Variants in RERE observed in about 807,000 individuals in gnomAD.
RERE encodes the protein arginine-glutamic acid dipeptide repeats, also known as arginine-glutamic acid dipeptide repeats protein.
RERE carries 40 observed loss-of-function variants against 146.1 expected under a neutral mutation model. The ratio of observed to expected loss-of-function variants is 0.27; its 90% CI spans 0.21 to 0.36. The LOEUF is 0.36. RERE is among the 10% of genes least tolerant of loss of function. RERE has a pLI of 1.00. For missense variants in RERE, 1,933 were observed against 2,138.7 expected (o/e 0.90, Z 1.90); for synonymous variants, 1,003 against 866.0 (o/e 1.16, Z -2.78).
intron 1 of RERE, among the ~76,000 whole-genome samples, chr1:8,673,826 C>T (rs1460707811): frequency 1.3e-5 from 2 of 152,022 alleles, no homozygotes; most frequent in African/African-American, 2.4e-5. Flanking sequence ...GTAGATCACT[C>T]GAGCCCAGGA....
intron 1 of RERE, among the ~76,000 whole-genome samples, chr1:8,678,361 T>C (rs1023340490): frequency 2.0e-5 from 3 of 151,948 alleles, no homozygotes; most frequent in East Asian, 1.9e-4. Context: ...AATTAAATTA[T>C]GGGGCCAGAC....
At chr1:8,801,214 C>A (rs186291735) in intron 1 of RERE, among the ~76,000 whole-genome samples, 1 of 147,852 alleles carries the variant, frequency 6.8e-6, no homozygotes, top group East Asian at 2.0e-4. Context: ...CGGCCCTGAT[C>A]GCGCCACTGC....
chr1:8,373,343 A>G (rs1195593302), intron 12 of RERE, among the ~76,000 whole-genome samples: 1 of 152,196 alleles, frequency 6.6e-6, no homozygotes, highest in Non-Finnish European at 1.5e-5. Context: ...GTTTGAAAAA[A>G]TGCCCCACAG....
chr1:8,650,067 A>G (rs1263917396), intron 2 of RERE, among the ~76,000 whole-genome samples: 1 of 152,184 alleles, frequency 6.6e-6, no homozygotes, highest in Non-Finnish European at 1.5e-5. Flanking sequence ...AGGCGGGAAC[A>G]TGGGCAGTGT....
chr1:8,793,173 A>AG (rs1463077353), intron 1 of RERE, among the ~76,000 whole-genome samples: 32 of 147,118 alleles, frequency 2.2e-4, no homozygotes, highest in East Asian at 8.2e-4. Context: ...AAAAAAAAAA[A>AG]AAAAGAAAGA....
At position 8,541,376 on chromosome 1, in the gene RERE, A is replaced by G. The variant is rs1570413018; in HGVS notation, c.726-58T>C. 7 of 1,037,426 alleles carry G rather than the reference A, an allele frequency of 6.7e-6. No homozygotes were observed. In the East Asian group the frequency reaches 1.7e-4, roughly 25 times the overall value. 64.3% of individuals were successfully genotyped at this position (1,037,426 alleles called of 1,614,324 possible). A position where few individuals can be genotyped will look rare whatever the true frequency, so the allele number is the denominator to read the frequency against. On this transcript the variant is annotated intron_variant, in intron 6 of 22. Transcript: ENST00000400908. Reference sequence around the variant, plus strand: ...CCCTCAACTGCTTTTGCTAACCAAAACTGGAGGGGGAAGGGTGGAGGAAGC... The same window carrying G: ...CCCTCAACTGCTTTTGCTAACCAAAGCTGGAGGGGGAAGGGTGGAGGAAGC...
At chr1:8,681,393 T>C (rs557291207) in intron 1 of RERE, among the ~76,000 whole-genome samples, 85 of 152,334 alleles carry the variant, frequency 5.6e-4, no homozygotes, top group African/African-American at 2.0e-3. Flanking sequence ...AGCATACCTA[T>C]TCATCTTAAA....
At chr1:8,789,301 A>AAAAATATATATAT in intron 1 of RERE, among the ~76,000 whole-genome samples, 3 of 24,814 alleles carry the variant, frequency 1.2e-4, no homozygotes, top group African/African-American at 4.6e-4. Flanking sequence ...AAAAAAAAAA[A>AAAAATATATATAT]ATATATATAT....
intron 4 of RERE, among the ~76,000 whole-genome samples, chr1:8,595,741 A>C (rs559482358): frequency 6.6e-6 from 1 of 152,358 alleles, no homozygotes; most frequent in African/African-American, 2.4e-5. Flanking sequence ...ACTATACAAA[A>C]AACAATTAAT....
intron 7 of RERE, among the ~76,000 whole-genome samples, chr1:8,530,910 C>A (rs1414824972): frequency 7.3e-5 from 11 of 151,536 alleles, no homozygotes; most frequent in African/African-American, 2.4e-4. Context: ...CCAGGATGGT[C>A]CCGATCTCCT....
At chr1:8,385,995 TA>T (rs1642644464) in intron 12 of RERE, among the ~76,000 whole-genome samples, 1 of 25,228 alleles carries the variant, frequency 4.0e-5, no homozygotes, top group Non-Finnish European at 7.0e-5. Context: ...AAAAAAAAAA[TA>T]TATATATATA....
intron 1 of RERE, among the ~76,000 whole-genome samples, chr1:8,687,727 G>A (rs752303296): frequency 6.6e-6 from 1 of 152,078 alleles, no homozygotes; most frequent in Non-Finnish European, 1.5e-5. Context: ...TAACTTGAAG[G>A]GAGTCATCAG....
chr1:8,630,995 A>C (rs892162664), intron 2 of RERE, among the ~76,000 whole-genome samples: 8 of 152,234 alleles, frequency 5.3e-5, no homozygotes, highest in African/African-American at 1.9e-4. Context: ...AGTGCTACAA[A>C]GAAAGCCTCA....
chr1:8,614,625 C>T lies in RERE; in HGVS notation c.458G>A (p.Cys153Tyr), dbSNP rs1646829761. ...TGGCTGTGATGCCACCGGCAGAGAGCATGCTGGGGGGTCACACAAAGCAGG... is the reference window on the plus strand; with the variant it reads ...TGGCTGTGATGCCACCGGCAGAGAGTATGCTGGGGGGTCACACAAAGCAGG... ...PTPALCDPPACSLPVASQPPQ... is the reference protein window; with the variant it reads ...PTPALCDPPAYSLPVASQPPQ... Residue 153 changes from cysteine to tyrosine, a missense_variant, in exon 4 of 23, where the codon TGC becomes TAC. Cys to Tyr is a radical substitution (Grantham distance 194, BLOSUM62 -2). This residue lies in a region of RERE where 74 missense variants were observed against 99.6 expected (regional missense o/e 0.74). Transcript: ENST00000400908. 6.2e-7 allele frequency: 1 copy of T among 1,612,994 alleles called. No homozygotes were observed. The highest frequency in any genetic ancestry group is 1.3e-5 in the African/African-American group (1 of 74,858).
chr1:8,385,670 A>C (rs1642612914), intron 12 of RERE, among the ~76,000 whole-genome samples: 1 of 151,918 alleles, frequency 6.6e-6, no homozygotes, highest in Non-Finnish European at 1.5e-5. Context: ...GAGAGCTTTT[A>C]TTTCTTGAAG....
At position 8,355,038 on chromosome 1, in the gene RERE, T is replaced by TC. The variant is rs750949924; in HGVS notation, c.*48dup. ...TATTTTATGTAAAAAGTCCTGTTTC[T>TC]CCCCCCAAGAACTGGGGTTTCCACA... On this transcript the variant is annotated 3_prime_UTR_variant, in exon 23 of 23. Coordinates refer to ENST00000400908, the MANE Select transcript of RERE (RefSeq NM_001042681.2). 2 of 1,510,472 alleles carry TC rather than the reference T, an allele frequency of 1.3e-6. No individual in the cohort carries two copies. Among genetic ancestry groups the TC allele is most frequent in the Non-Finnish European group, 1.8e-6 (2 of 1,091,466 alleles). 93.6% of individuals were successfully genotyped at this position (1,510,472 alleles called of 1,614,324 possible). A position where few individuals can be genotyped will look rare whatever the true frequency, so the allele number is the denominator to read the frequency against.
At chr1:8,392,959 G>A (rs1339718678) in intron 12 of RERE, among the ~76,000 whole-genome samples, 8 of 152,122 alleles carry the variant, frequency 5.3e-5, no homozygotes, top group Admixed American at 5.2e-4. Flanking sequence ...ACCATGTAGA[G>A]ACGGTGGAAA....
intron 1 of RERE, among the ~76,000 whole-genome samples, chr1:8,694,207 A>G (rs1639271486): frequency 6.6e-6 from 1 of 152,202 alleles, no homozygotes; most frequent in Non-Finnish European, 1.5e-5. Context: ...TGCTGGCAAT[A>G]TGATTCTATA....
intron 4 of RERE, among the ~76,000 whole-genome samples, chr1:8,609,881 ACCTCAG>A (rs1646770532): frequency 6.6e-6 from 1 of 152,100 alleles, no homozygotes; most frequent in African/African-American, 2.4e-5. Flanking sequence ...CGAGCCTCCC[ACCTCAG>A]CCTCCTGAGT....
Sources: gnomAD v4.1 joint callset for allele counts (sites outside exome capture counted in the v4.1 genomes callset) on GRCh38, gnomAD v4.1.1 for gene constraint, gnomAD v4.1.1 regional missense constraint, MANE v1.5 for transcripts, NCBI Gene and HGNC (gene_info 2026-07-23, HGNC 2026-07-21) for gene names.